BCKDHB: variants seen among roughly 807,000 people sequenced by gnomAD.
BCKDHB encodes 2-oxoisovalerate dehydrogenase subunit beta, mitochondrial.
In BCKDHB, 41 loss-of-function variants were observed where a neutral mutation model predicts 48.5. That is an observed-to-expected ratio of 0.85 (90% CI 0.66 to 1.10). The LOEUF (loss-of-function observed/expected upper bound fraction) is 1.10, where lower values mean the gene tolerates loss of function less well. Among genes scored for constraint, BCKDHB ranks in the 50% least tolerant of loss-of-function variants. The probability of loss-of-function intolerance (pLI) is 0.00; values close to 1 mark genes in which losing one functional copy is unlikely to be tolerated. For missense variants in BCKDHB, 496 were observed against 494.2 expected, an observed-to-expected ratio of 1.00 and a Z score of -0.03; for synonymous variants, 201 against 174.8, an observed-to-expected ratio of 1.15 and a Z score of -1.18.
chr6:80,308,128 A>C (rs1394791124), intron 9 of BCKDHB: 1 of 172,360 alleles, frequency 5.8e-6, no homozygotes, highest in African/African-American at 2.4e-5. Flanking sequence ...TATAAGGTCC[A>C]CTAAGCAGTG....
chr6:80,443,443 T>C, the BCKDHB span: 1 of 152,100 alleles, frequency 6.6e-6, no homozygotes, highest in Non-Finnish European at 1.5e-5. Context: ...ACATCCATTG[T>C]CCATGGGGCA....
At chr6:80,150,094 TC>T (rs930360914) in intron 3 of BCKDHB, among the ~76,000 whole-genome samples, 4 of 152,110 alleles carry the variant, frequency 2.6e-5, no homozygotes, top group Non-Finnish European at 4.4e-5. Flanking sequence ...CCACCAGTTG[TC>T]CCCAGTCTTC....
the BCKDHB span, among the ~76,000 whole-genome samples, chr6:80,429,983 A>G: frequency 6.6e-6 from 1 of 152,222 alleles, no homozygotes; most frequent in African/African-American, 2.4e-5. Context: ...CCCATTCGGT[A>G]TGCTATTGGC....
chr6:80,291,942 G>A (rs1766936843), intron 9 of BCKDHB, among the ~76,000 whole-genome samples: 1 of 152,132 alleles, frequency 6.6e-6, no homozygotes, highest in South Asian at 2.1e-4. Flanking sequence ...GGCTTTGATG[G>A]AACTCTGTTC....
chr6:80,188,553 C>T (rs1206644978), intron 6 of BCKDHB, among the ~76,000 whole-genome samples: 1 of 152,010 alleles, frequency 6.6e-6, no homozygotes, highest in Non-Finnish European at 1.5e-5. Flanking sequence ...ATGGGAAGAT[C>T]ACTCGAGCCT....
intron 9 of BCKDHB, among the ~76,000 whole-genome samples, chr6:80,320,109 A>G (rs1256311676): frequency 6.6e-6 from 1 of 152,202 alleles, no homozygotes; most frequent in Non-Finnish European, 1.5e-5. Flanking sequence ...TATTTTTCCT[A>G]CCAAGTTAAA....
the BCKDHB span, among the ~76,000 whole-genome samples, chr6:80,382,799 A>G: frequency 1.3e-5 from 2 of 152,200 alleles, no homozygotes; most frequent in Non-Finnish European, 2.9e-5. Context: ...ATAAAATTGC[A>G]TTATTACATT....
At chr6:80,226,348 T>C (rs895686947) in intron 8 of BCKDHB, among the ~76,000 whole-genome samples, 4 of 152,258 alleles carry the variant, frequency 2.6e-5, no homozygotes, top group Admixed American at 6.5e-5. Context: ...AATTGTGGTC[T>C]GTAACAATTC....
At chr6:80,339,219 A>G (rs1769769249) in intron 9 of BCKDHB, among the ~76,000 whole-genome samples, 1 of 152,204 alleles carries the variant, frequency 6.6e-6, no homozygotes, top group African/African-American at 2.4e-5. Context: ...AATATGTAAC[A>G]TATTACATTC....
At chr6:80,416,625 C>T in the BCKDHB span, among the ~76,000 whole-genome samples, 20 of 151,820 alleles carry the variant, frequency 1.3e-4, no homozygotes, top group Non-Finnish European at 2.7e-4. Flanking sequence ...CTAATTTGAT[C>T]GTGCTATTGT....
chr6:80,227,305 A>G (rs1478590772), intron 8 of BCKDHB, among the ~76,000 whole-genome samples: 1 of 152,216 alleles, frequency 6.6e-6, no homozygotes, highest in African/African-American at 2.4e-5. Flanking sequence ...TTCTGGGGAC[A>G]CTGAAGAATT....
intron 1 of BCKDHB, among the ~76,000 whole-genome samples, chr6:80,126,947 A>C (rs1343740183): frequency 6.6e-6 from 1 of 152,166 alleles, no homozygotes; most frequent in African/African-American, 2.4e-5. Flanking sequence ...TGCTTCATTT[A>C]TTCCTCCTAA....
intron 1 of BCKDHB, among the ~76,000 whole-genome samples, chr6:80,123,007 G>C (rs1770125533): frequency 7.5e-6 from 1 of 133,734 alleles, no homozygotes; most frequent in Non-Finnish European, 1.5e-5. Context: ...CCTTTCCCTG[G>C]GTATTAATAT....
At chr6:80,359,986 C>T in the BCKDHB span, among the ~76,000 whole-genome samples, 2 of 152,148 alleles carry the variant, frequency 1.3e-5, no homozygotes, top group Non-Finnish European at 2.9e-5. Flanking sequence ...GTTGTCAGCT[C>T]TAAATTAAGT....
the BCKDHB span, among the ~76,000 whole-genome samples, chr6:80,396,716 A>G: frequency 6.6e-6 from 1 of 152,166 alleles, no homozygotes; most frequent in Non-Finnish European, 1.5e-5. Context: ...TGATTGTTTT[A>G]TAAGGGGTTT....
the BCKDHB span, among the ~76,000 whole-genome samples, chr6:80,444,860 G>C: frequency 3.3e-5 from 5 of 152,248 alleles, no homozygotes; most frequent in African/African-American, 1.2e-4. Context: ...TTTCAGAAAT[G>C]TTAGTGCATA....
intron 1 of BCKDHB, among the ~76,000 whole-genome samples, chr6:80,122,963 C>A (rs933342895): frequency 5.4e-4 from 73 of 135,160 alleles, no homozygotes; most frequent in Non-Finnish European, 8.8e-4. Flanking sequence ...ATAGGCCTTC[C>A]CCCCCTCCCC....
the BCKDHB span, among the ~76,000 whole-genome samples, chr6:80,451,594 C>G: frequency 6.6e-6 from 1 of 151,970 alleles, no homozygotes; most frequent in East Asian, 1.9e-4. Context: ...AAAAATTAGT[C>G]GGGCATGGTG....
chr6:80,436,147 C>CTTTTTTTTTTTTTTTT, the BCKDHB span, among the ~76,000 whole-genome samples: 1 of 70,340 alleles, frequency 1.4e-5, no homozygotes, highest in Non-Finnish European at 2.7e-5. Flanking sequence ...AAATTCTTTT[C>CTTTTTTTTTTTTTTTT]TTTTTTTTTT....
Sources: gnomAD v4.1 joint callset for allele counts (sites outside exome capture counted in the v4.1 genomes callset) on GRCh38, gnomAD v4.1.1 for gene constraint, MANE v1.5 for transcripts, NCBI Gene and HGNC (gene_info 2026-07-23, HGNC 2026-07-21) for gene names.